PKHD1L1: variants seen among roughly 807,000 people sequenced by gnomAD.
PKHD1L1 encodes fibrocystin-L.
In PKHD1L1, 434 loss-of-function variants were observed where a neutral mutation model predicts 462.9. The observed-to-expected ratio is 0.94, with a 90% CI of 0.87 to 1.02. The LOEUF is 1.02. Ranked by LOEUF, PKHD1L1 falls within the 50% of genes least tolerant of loss-of-function variation. The pLI, the probability that PKHD1L1 is intolerant of heterozygous loss-of-function variation, is 0.00. For synonymous variants in PKHD1L1, 1,781 were observed against 1,750.0 expected, an observed-to-expected ratio of 1.02 and a Z score of -0.44; for missense variants, 5,202 against 5,096.1, an observed-to-expected ratio of 1.02 and a Z score of -0.63.
chr8:109,464,182 A>G (rs775841307), intron 48 of PKHD1L1, 34 bp from the exon 49 acceptor site: 67 of 1,466,028 alleles, frequency 4.6e-5, no homozygotes, highest in Non-Finnish European at 5.5e-5. Context: ...CATCTGAGCT[A>G]TTACTAAATA....
intron 67 of PKHD1L1, among the ~76,000 whole-genome samples, chr8:109,503,819 C>A (rs1055059067): frequency 7.9e-5 from 12 of 152,168 alleles, no homozygotes; most frequent in Non-Finnish European, 1.3e-4. Flanking sequence ...CTCACCTGGT[C>A]TTGTCCATTA....
At chr8:109,377,933 CAT>C (rs1214057225) in intron 2 of PKHD1L1, among the ~76,000 whole-genome samples, 9 of 152,082 alleles carry the variant, frequency 5.9e-5, no homozygotes, top group African/African-American at 2.2e-4. Flanking sequence ...TTTGAATTTT[CAT>C]ATGTTTATAG....
chr8:109,378,208 C>CATTTATCACATT (rs1811934726), intron 2 of PKHD1L1, among the ~76,000 whole-genome samples: 1 of 152,118 alleles, frequency 6.6e-6, no homozygotes, highest in Non-Finnish European at 1.5e-5. Context: ...GAACTGATGC[C>CATTTATCACATT]ATTTATCCCA....
intron 50 of PKHD1L1, among the ~76,000 whole-genome samples, chr8:109,469,727 C>G (rs535123526): frequency 3.0e-4 from 45 of 152,186 alleles, no homozygotes; most frequent in African/African-American, 1.1e-3. Context: ...GTCACAGTGC[C>G]TTAATAATAT....
chr8:109,465,193 C>G lies in PKHD1L1; in HGVS notation c.8361C>G (p.Gly2787=), dbSNP rs776056473. 2.1e-5 allele frequency: 34 copies of G among 1,613,682 alleles called. No homozygotes were observed. The highest frequency in any genetic ancestry group is 2.9e-5 in the Non-Finnish European group (34 of 1,179,730). ...VQYSHTPNKA[G]FRWEHEMVMI... ...ATTCTCACACACCGAACAAGGCTGG[C>G]TTTCGCTGGGAACATGAAATGGTAA... The change falls in exon 49 of 78, where the codon GGC becomes GGG. Residue 2787 remains glycine, a synonymous_variant. Transcript: ENST00000378402.
chr8:109,371,885 C>T (rs1811531591), intron 2 of PKHD1L1, among the ~76,000 whole-genome samples: 2 of 152,022 alleles, frequency 1.3e-5, no homozygotes. Context: ...GTACAAGTAC[C>T]ATGCTGTTTT....
At chr8:109,365,413 G>A (rs1369956490) in intron 2 of PKHD1L1, among the ~76,000 whole-genome samples, 1 of 152,020 alleles carries the variant, frequency 6.6e-6, no homozygotes, top group Admixed American at 6.5e-5. Context: ...GTCTTTTAAT[G>A]TTTCTAATAT....
chr8:109,381,446 T>C lies in PKHD1L1; in HGVS notation c.240T>C (p.Ser80=), dbSNP rs952769131. 1.3e-6 allele frequency: 2 copies of C among 1,583,658 alleles called. No homozygotes were observed. The highest frequency in any genetic ancestry group is 2.7e-5 in the African/African-American group (2 of 74,588). Residue 80 remains serine (S), a synonymous_variant, in exon 3 of 78, where the codon TCT becomes TCC. Coordinates refer to ENST00000378402, the MANE Select transcript of PKHD1L1 (RefSeq NM_177531.6). Reference sequence around the variant, plus strand: ...GAAACAGTGTGCAATTAATTTCTTCTTTCCAGTCAATTACTTGTGATGTAG... The same window carrying C: ...GAAACAGTGTGCAATTAATTTCTTCCTTCCAGTCAATTACTTGTGATGTAG... ...ELGNSVQLIS[S]FQSITCDVEK...
intron 67 of PKHD1L1, among the ~76,000 whole-genome samples, chr8:109,501,671 A>G (rs1023283412): frequency 2.0e-5 from 3 of 152,212 alleles, no homozygotes; most frequent in Non-Finnish European, 4.4e-5. Context: ...TGTTGGATCC[A>G]TGCATAGCCT....
chr8:109,376,113 G>A (rs897125181), intron 2 of PKHD1L1, among the ~76,000 whole-genome samples: 3 of 152,248 alleles, frequency 2.0e-5, no homozygotes, highest in African/African-American at 2.4e-5. Flanking sequence ...AGCCTACAGA[G>A]GCAGGCAGGC....
At chr8:109,460,478 G>A (rs1042707914) in intron 47 of PKHD1L1, among the ~76,000 whole-genome samples, 1 of 152,160 alleles carries the variant, frequency 6.6e-6, no homozygotes, top group Non-Finnish European at 1.5e-5. Flanking sequence ...GGTAGGCTAA[G>A]TCCGAGTTTT....
In PKHD1L1 at chr8:109,476,519, T is replaced by C; in HGVS notation, c.8769T>C (p.Tyr2923=). 1 of 1,483,984 alleles carries C rather than the reference T, an allele frequency of 6.7e-7. No individual in the cohort carries two copies. The highest frequency in any genetic ancestry group is 9.2e-7 in the Non-Finnish European group (1 of 1,086,740). 91.9% of individuals were successfully genotyped at this position (1,483,984 alleles called of 1,614,324 possible). The part of the protein sequence containing the change: ...STFYGFKEED[Y]VIISHNFTQN... Reference sequence around the variant, plus strand: ...ATAAACTTTTATAGGAAGAAGACTATGTAATTATATCACATAACTTCACTC... The same window carrying C: ...ATAAACTTTTATAGGAAGAAGACTACGTAATTATATCACATAACTTCACTC... The change falls in exon 52 of 78, where the codon TAT becomes TAC. Residue 2923 remains tyrosine (Y), a synonymous_variant. Coordinates refer to ENST00000378402, the MANE Select transcript of PKHD1L1 (RefSeq NM_177531.6).
At chr8:109,383,844 TTCTC>T (rs967842830) in intron 4 of PKHD1L1, among the ~76,000 whole-genome samples, 1 of 152,068 alleles carries the variant, frequency 6.6e-6, no homozygotes, top group African/African-American at 2.4e-5. Context: ...CATTCTTGGT[TTCTC>T]TCTCCCTTCT....
intron 67 of PKHD1L1, 109 bp downstream of exon 67, chr8:109,498,880 A>G (rs1586627895): frequency 3.1e-6 from 3 of 971,156 alleles, no homozygotes; most frequent in East Asian, 2.6e-5. Context: ...GTGAATTTTT[A>G]TAGCAATCTG....
Position 109,388,534 on chromosome 8 carries a change from C to T in PKHD1L1, c.607C>T (p.Pro203Ser). 6.6e-7 allele frequency: 1 copy of T among 1,513,696 alleles called. No individual in the cohort carries two copies. The highest frequency in any genetic ancestry group is 2.0e-5 in the Admixed American group (1 of 50,240). 93.8% of individuals were successfully genotyped at this position (1,513,696 alleles called of 1,614,324 possible). Residue 203 changes from proline (P) to serine (S), a missense_variant, in exon 7 of 78, where the codon CCA becomes TCA. This residue lies in a region of PKHD1L1 where 4,497 missense variants were observed against 4,336.8 expected (regional missense o/e 1.04). Transcript: ENST00000378402. ...IGGMPCELLI[P>S]QSDNLYGLKL... ...AGGAATGCCCTGTGAGCTTCTCATA[C>T]CACAATCTGATAATTTGTAAGTAAT...
At chr8:109,420,487 C>G in intron 22 of PKHD1L1, 31 bp from the exon 23 acceptor site, 1 of 1,409,302 alleles carries the variant, frequency 7.1e-7, no homozygotes, top group Admixed American at 2.9e-5. Flanking sequence ...TACTTTTACA[C>G]CAACCTAATA....
chr8:109,520,848 A>C (rs1820515584), intron 73 of PKHD1L1, among the ~76,000 whole-genome samples: 1 of 152,186 alleles, frequency 6.6e-6, no homozygotes, highest in Non-Finnish European at 1.5e-5. Context: ...ATCAGCAGAA[A>C]TGAATGCCCT....
rs1296204182 is a variant in PKHD1L1, at chr8:109,507,870, T to G, written c.11202T>G (p.Pro3734=). ...MLTFLNGSRI[P]VTEKAPHKGI... ...CATTCTTGAATGGAAGTAGAATTCC[T>G]GTCACTGAGAAAGCACCTCATAAAG... is the stretch of plus-strand genomic sequence containing the variant. Residue 3734 remains proline (P), a synonymous_variant, in exon 69 of 78, where the codon CCT becomes CCG. Transcript: ENST00000378402. 2.5e-6 allele frequency: 4 copies of G among 1,613,478 alleles called. No individual in the cohort carries two copies. The highest frequency in any genetic ancestry group is 1.6e-4 in the Middle Eastern group (1 of 6,084).
rs1821054149 is a variant in PKHD1L1, at chr8:109,532,105, C to A, written c.*2015C>A. ...CATAAAATTGTCCACCATCTGTATT[C>A]TTTTCTTACCTAAAGGTTTAATTCA... On this transcript the variant is annotated 3_prime_UTR_variant, in exon 78 of 78. Transcript: ENST00000378402. Among the ~76,000 whole-genome samples, 1 of 152,152 alleles carries A rather than the reference C, an allele frequency of 6.6e-6. No homozygotes were observed. Among genetic ancestry groups the A allele is most frequent in the South Asian group, 2.1e-4 (1 of 4,834 alleles).
Sources: allele counts gnomAD v4.1 joint callset (sites outside exome capture counted in the v4.1 genomes callset), GRCh38; gene constraint gnomAD v4.1.1; regional missense constraint gnomAD v4.1.1; transcripts MANE v1.5; gene names NCBI Gene and HGNC (gene_info 2026-07-23, HGNC 2026-07-21).